HIBCH: variants seen among roughly 807,000 people sequenced by gnomAD.
HIBCH encodes the protein 3-hydroxyisobutyryl-CoA hydrolase, mitochondrial.
Under a neutral mutation model 58.2 loss-of-function variants are expected in HIBCH, and 50 were observed. The ratio of observed to expected loss-of-function variants is 0.86; its 90% CI spans 0.68 to 1.09. HIBCH has a LOEUF of 1.09. HIBCH is among the 50% of genes least tolerant of loss of function. HIBCH has a pLI of 0.00. For missense variants in HIBCH, 450 were observed against 449.7 expected (o/e 1.00, Z -0.01); for synonymous variants, 151 against 146.9 (o/e 1.03, Z -0.20).
intron 2 of HIBCH, among the ~76,000 whole-genome samples, chr2:190,298,754 T>A (rs1157066711): frequency 2.0e-5 from 3 of 152,214 alleles, no homozygotes; most frequent in Non-Finnish European, 4.4e-5. Context: ...TTTGATTAGA[T>A]CCCATTTGTC....
At chr2:190,198,623 C>A (rs574469948) in intron 1 of HIBCH, among the ~76,000 whole-genome samples, 1 of 107,346 alleles carries the variant, frequency 9.3e-6, no homozygotes, top group Non-Finnish European at 1.8e-5. Context: ...CAGAGTAAGA[C>A]CCTGTCTCAA....
Position 190,290,501 on chromosome 2 carries a change from T to C in HIBCH, c.305-16A>G. ...TCCGAGATCACTAGGAAGGAAAGAT[T>C]ACAAATAAAAAAAAAAAGATTTAAT... On this transcript the variant is annotated splice_polypyrimidine_tract_variant and intron_variant, in intron 4 of 13. Coordinates refer to ENST00000359678, the MANE Select transcript of HIBCH (RefSeq NM_014362.4). The C allele has an allele frequency of 6.5e-7, 1 of 1,537,732 alleles. No homozygotes were observed. Among genetic ancestry groups the C allele is most frequent in the African/African-American group, 1.4e-5 (1 of 72,546 alleles).
intron 6 of HIBCH, among the ~76,000 whole-genome samples, chr2:190,270,093 G>T (rs939124809): frequency 6.6e-6 from 1 of 152,126 alleles, no homozygotes; most frequent in African/African-American, 2.4e-5. Flanking sequence ...GGGAGGCAGA[G>T]CATTAGGACA....
rs959638999 is a variant in HIBCH at position 190,244,869 on chromosome 2, A to C, written c.891+18T>G. On this transcript the variant is annotated intron_variant, in intron 11 of 13. Transcript: ENST00000359678. ...ACTTCACTATGTTCACTCAGGGCAG[A>C]AAGGATTCCAATATTACCTTCAATT... The C allele has an allele frequency of 1.9e-6, 3 of 1,543,636 alleles. No individual in the cohort carries two copies. Among genetic ancestry groups the C allele is most frequent in the Non-Finnish European group, 2.7e-6 (3 of 1,115,728 alleles).
At chr2:190,221,864 T>C (rs546946966) in intron 11 of HIBCH, among the ~76,000 whole-genome samples, 1 of 152,226 alleles carries the variant, frequency 6.6e-6, no homozygotes, top group South Asian at 2.1e-4. Context: ...CAGGGGAAGA[T>C]TGTCTTCCCA....
Position 190,208,929 on chromosome 2 carries a change from G to C in HIBCH, c.1012-16C>G, listed in dbSNP as rs760261914. 1.9e-6 allele frequency: 3 copies of C among 1,611,304 alleles called. No individual in the cohort carries two copies. In the East Asian group the frequency reaches 6.7e-5, roughly 36 times the overall value. On this transcript the variant is annotated splice_polypyrimidine_tract_variant and intron_variant, in intron 12 of 13. Transcript: ENST00000359678. ...CATGACCTCTCTGAAAGAAAATTGA[G>C]ATTAAATGGGGATAATTTCTGGGTG...
At chr2:190,299,923 G>T (rs541108208) in intron 2 of HIBCH, among the ~76,000 whole-genome samples, 2 of 147,226 alleles carry the variant, frequency 1.4e-5, no homozygotes, top group Non-Finnish European at 3.0e-5. Flanking sequence ...GCGGTATCTG[G>T]TTTTCTGTTC....
intron 11 of HIBCH, among the ~76,000 whole-genome samples, chr2:190,223,594 A>C (rs1685794871): frequency 1.3e-5 from 2 of 152,236 alleles, no homozygotes; most frequent in Admixed American, 6.5e-5. Flanking sequence ...AAGAAGGCAA[A>C]ATTGAAGAAA....
chr2:190,272,509 A>G (rs977989617), intron 6 of HIBCH, among the ~76,000 whole-genome samples: 11 of 152,192 alleles, frequency 7.2e-5, no homozygotes, highest in Non-Finnish European at 1.5e-4. Flanking sequence ...ATCCAAACCA[A>G]CATGGTCAGG....
At chr2:190,265,296 ATGAC>A (rs2105957113) in intron 6 of HIBCH, among the ~76,000 whole-genome samples, 2 of 141,368 alleles carry the variant, frequency 1.4e-5, no homozygotes, top group South Asian at 4.5e-4. Flanking sequence ...AGCCATTCTA[ATGAC>A]TATATGTTAG....
At chr2:190,189,909 A>AG (rs1268551687) in exon 2 of HIBCH, 3 of 152,234 alleles carry the variant, frequency 2.0e-5, no homozygotes, top group Non-Finnish European at 4.4e-5. Context: ...GGCTGGTTTC[A>AG]GGCCAATGTA....
In HIBCH at chr2:190,287,652, A is replaced by G. The variant is rs780785967; in HGVS notation, c.386-14T>C. ...TCTGGCAAGAACCTGAAAGAAACAG[A>G]GCTGTAATTTTAGTTACAGTGTTTA... is the stretch of plus-strand genomic sequence containing the variant. On this transcript the variant is annotated splice_polypyrimidine_tract_variant and intron_variant, in intron 5 of 13. Coordinates refer to ENST00000359678, the MANE Select transcript of HIBCH (RefSeq NM_014362.4). The G allele has an allele frequency of 6.2e-7, 1 of 1,600,020 alleles. No individual in the cohort carries two copies. Among genetic ancestry groups the G allele is most frequent in the South Asian group, 1.1e-5 (1 of 90,590 alleles).
downstream of HIBCH, chr2:190,199,633 C>A: frequency 1.4e-5 from 14 of 1,009,758 alleles, no homozygotes; most frequent in South Asian, 3.0e-5. Context: ...TTTTTACATG[C>A]CACTCAATCA....
At chr2:190,194,474 G>A (rs1317073750) in intron 1 of HIBCH, among the ~76,000 whole-genome samples, 2 of 123,966 alleles carry the variant, frequency 1.6e-5, no homozygotes, top group Non-Finnish European at 3.2e-5. Flanking sequence ...CGTATCCTGT[G>A]TATACACACA....
chr2:190,253,839 T>G (rs1686849010), intron 7 of HIBCH, among the ~76,000 whole-genome samples: 1 of 152,166 alleles, frequency 6.6e-6, no homozygotes, highest in African/African-American at 2.4e-5. Context: ...TTCCCTAACA[T>G]TCTACACTCA....
intron 11 of HIBCH, among the ~76,000 whole-genome samples, chr2:190,226,236 A>G (rs34918997): frequency 0.015 from 2,304 of 152,248 alleles, 61 homozygotes; most frequent in African/African-American, 0.051. Context: ...CCTATTCAAC[A>G]TAGTGTTGGA....
chr2:190,293,441 G>A (rs561675660), intron 4 of HIBCH, among the ~76,000 whole-genome samples: 4 of 145,560 alleles, frequency 2.7e-5, no homozygotes, highest in Admixed American at 1.4e-4. Flanking sequence ...CAACAAGAGC[G>A]AAACTCCGTC....
In HIBCH at chr2:190,255,351, A is replaced by T. The variant is rs539872271; in HGVS notation, c.518-3044T>A. Among the ~76,000 whole-genome samples, 3 of 152,292 alleles carry T rather than the reference A, an allele frequency of 2.0e-5. No homozygotes were observed. The South Asian group carries it at 6.2e-4, about 32-fold the overall frequency. The stretch of plus-strand genomic sequence containing the variant: ...TTGAGCTAACTTTTCTTAATGCCAC[A>T]ATATTCTGCTCTCAGTTCTTCATGT... On this transcript the variant is annotated intron_variant, in intron 7 of 13. Coordinates refer to ENST00000359678, the MANE Select transcript of HIBCH (RefSeq NM_014362.4).
chr2:190,272,698 G>A (rs1036562357), intron 6 of HIBCH, among the ~76,000 whole-genome samples: 1 of 151,112 alleles, frequency 6.6e-6, no homozygotes, highest in Non-Finnish European at 1.5e-5. Context: ...GTTTGTCAAA[G>A]TTGCCAAGAA....
Sources: allele counts gnomAD v4.1 joint callset (sites outside exome capture counted in the v4.1 genomes callset), GRCh38; gene constraint gnomAD v4.1.1; transcripts MANE v1.5; gene names NCBI Gene and HGNC (gene_info 2026-07-23, HGNC 2026-07-21).